The following CCDC148 variants were observed in gnomAD, a reference collection of about 807,000 sequenced individuals.
CCDC148 encodes coiled-coil domain-containing protein 148.
A neutral mutation model predicts 85.7 loss-of-function variants in CCDC148; 89 were observed. That is an observed-to-expected ratio of 1.04 (90% CI 0.87 to 1.24). The LOEUF is 1.24. CCDC148 is among the 50% of genes most tolerant of loss of function. The pLI is 0.00. For missense variants in CCDC148, 692 were observed against 671.7 expected (o/e 1.03, Z -0.33); for synonymous variants, 230 against 213.9 (o/e 1.08, Z -0.66).
At chr2:158,341,151 T>G (rs1397830697) in intron 3 of CCDC148, among the ~76,000 whole-genome samples, 3 of 152,154 alleles carry the variant, frequency 2.0e-5, no homozygotes, top group Non-Finnish European at 4.4e-5. Context: ...ATACTTTATT[T>G]TTAATATACT....
At chr2:158,311,154 C>G (rs1431274381) in intron 8 of CCDC148, among the ~76,000 whole-genome samples, 1 of 152,198 alleles carries the variant, frequency 6.6e-6, no homozygotes, top group East Asian at 1.9e-4. Context: ...GAGCGGAGAT[C>G]ACGCCACTGC....
intron 2 of CCDC148, among the ~76,000 whole-genome samples, chr2:158,352,230 G>T (rs1429209577): frequency 6.6e-6 from 1 of 150,750 alleles, no homozygotes; most frequent in African/African-American, 2.5e-5. Flanking sequence ...GATGGAGAAT[G>T]ACTTTGACGA....
In CCDC148 at chr2:158,309,555, T is replaced by G. The variant is rs754813624; in HGVS notation, c.988A>C (p.Lys330Gln). 1.9e-6 allele frequency: 3 copies of G among 1,613,616 alleles called. No homozygotes were observed. The highest frequency in any genetic ancestry group is 1.7e-6 in the Non-Finnish European group (2 of 1,179,644). ...AGCACAGCCTTCTGTATAAAGTCTT[T>G]CTTATTTTTATTCCAATTTGATATC... The part of the protein sequence containing the change: ...ILISNWNKNK[K>Q]DFIQKAVLTL... The change falls in exon 9 of 14, where the codon AAA becomes CAA. Residue 330 changes from lysine to glutamine, a missense_variant. Transcript: ENST00000283233.
At chr2:158,447,606 G>T (rs909846127) in intron 1 of CCDC148, 1 of 152,068 alleles carries the variant, frequency 6.6e-6, no homozygotes, top group African/African-American at 2.4e-5. Context: ...CCATTTTACT[G>T]GTAGTGTACT....
intron 9 of CCDC148, among the ~76,000 whole-genome samples, chr2:158,273,768 T>C (rs1178793961): frequency 6.6e-6 from 1 of 152,188 alleles, no homozygotes; most frequent in Non-Finnish European, 1.5e-5. Context: ...CTAACTCTCA[T>C]GCATCTGTCT....
At chr2:158,436,410 G>A (rs1435818763) in intron 1 of CCDC148, among the ~76,000 whole-genome samples, 1 of 152,136 alleles carries the variant, frequency 6.6e-6, no homozygotes, top group African/African-American at 2.4e-5. Context: ...CAGAAATAAA[G>A]ATGTTCTTTG....
intron 2 of CCDC148, among the ~76,000 whole-genome samples, chr2:158,346,498 C>T (rs748166073): frequency 2.0e-5 from 3 of 152,070 alleles, no homozygotes; most frequent in Non-Finnish European, 4.4e-5. Context: ...GTATTGCCTC[C>T]CAGTCCTTTG....
At chr2:158,347,974 C>T (rs976157974) in intron 2 of CCDC148, among the ~76,000 whole-genome samples, 2 of 152,006 alleles carry the variant, frequency 1.3e-5, no homozygotes, top group African/African-American at 4.8e-5. Context: ...AATTGTTTAA[C>T]AAAACACTGT....
intron 9 of CCDC148, chr2:158,288,873 C>A: frequency 3.3e-6 from 1 of 302,642 alleles, no homozygotes; most frequent in Non-Finnish European, 6.6e-6. Context: ...ACTTACAGTT[C>A]CACATGGCAG....
chr2:158,449,756 A>C (rs1046460793), intron 1 of CCDC148, among the ~76,000 whole-genome samples: 1 of 152,054 alleles, frequency 6.6e-6, no homozygotes, highest in Non-Finnish European at 1.5e-5. Context: ...GCCCCTCCCT[A>C]CTTTCTGAGA....
chr2:158,271,418 G>A (rs1178321037), intron 9 of CCDC148, among the ~76,000 whole-genome samples: 2 of 152,112 alleles, frequency 1.3e-5, no homozygotes, highest in East Asian at 3.9e-4. Flanking sequence ...TGAGTAGTGC[G>A]ATGAAATTTT....
At chr2:158,393,217 G>T (rs926500505) in intron 1 of CCDC148, 1 of 152,080 alleles carries the variant, frequency 6.6e-6, no homozygotes, top group African/African-American at 2.4e-5. Context: ...TGAAACATTA[G>T]AAAAGCTTAC....
intron 2 of CCDC148, among the ~76,000 whole-genome samples, chr2:158,350,757 A>T (rs539808802): frequency 4.6e-5 from 7 of 152,192 alleles, no homozygotes; most frequent in African/African-American, 1.7e-4. Context: ...TATATTTTTA[A>T]TTGACATATT....
In CCDC148 at chr2:158,309,630, C is replaced by T. The variant is rs143262271; in HGVS notation, c.913G>A (p.Glu305Lys). ...AAGCGATATTGGTCACAATATTTCTCGTGTTCAACCTGAAAAGATAACAGA... is the reference window on the plus strand; with the variant it reads ...AAGCGATATTGGTCACAATATTTCTTGTGTTCAACCTGAAAAGATAACAGA... ...HKSRHDLVEH[E>K]KYCDQYRFAI... is the part of the protein sequence containing the mutation. Residue 305 changes from glutamate to lysine, a missense_variant, in exon 9 of 14, where the codon GAG becomes AAG. Physicochemically the swap from Glu to Lys is moderately conservative, Grantham distance 56. Coordinates refer to ENST00000283233, the MANE Select transcript of CCDC148 (RefSeq NM_138803.4). The T allele has an allele frequency of 2.5e-4, 396 of 1,609,790 alleles. 1 individual carries two copies. The African/African-American group carries it at 4.6e-3, about 19-fold the overall frequency.
chr2:158,250,456 AT>A (rs1321804801), intron 10 of CCDC148, among the ~76,000 whole-genome samples: 1 of 150,298 alleles, frequency 6.7e-6, no homozygotes, highest in African/African-American at 2.5e-5. Context: ...GTACCCTCTC[AT>A]TTTTTGCCAC....
chr2:158,238,180 A>G (rs1688195345), intron 10 of CCDC148, among the ~76,000 whole-genome samples: 1 of 152,056 alleles, frequency 6.6e-6, no homozygotes, highest in African/African-American at 2.4e-5. Flanking sequence ...TGAAGGTCAT[A>G]ATGGTGTATT....
chr2:158,443,233 G>T (rs1241764375), intron 1 of CCDC148, among the ~76,000 whole-genome samples: 5 of 151,980 alleles, frequency 3.3e-5, no homozygotes, highest in Non-Finnish European at 5.9e-5. Context: ...CAGCACTTTG[G>T]GAGTCGGGGT....
At chr2:158,343,396 G>A (rs773234575) in intron 3 of CCDC148, among the ~76,000 whole-genome samples, 7 of 152,200 alleles carry the variant, frequency 4.6e-5, no homozygotes, top group Non-Finnish European at 8.8e-5. Context: ...ATTCTCATCT[G>A]TAAAACTGAG....
intron 9 of CCDC148, among the ~76,000 whole-genome samples, chr2:158,272,078 T>C (rs996429547): frequency 2.6e-5 from 4 of 152,196 alleles, no homozygotes; most frequent in Admixed American, 2.6e-4. Context: ...GGGCTGATGT[T>C]CAGTTGGTTA....
Sources: gnomAD v4.1 joint callset for allele counts (sites outside exome capture counted in the v4.1 genomes callset) on GRCh38, gnomAD v4.1.1 for gene constraint, MANE v1.5 for transcripts, NCBI Gene and HGNC (gene_info 2026-07-23, HGNC 2026-07-21) for gene names.